The following MACF1 variants were observed in gnomAD, a reference collection of about 807,000 sequenced individuals.
The protein encoded by MACF1 is microtubule actin crosslinking factor 1.
In MACF1, 193 loss-of-function variants were observed where a neutral mutation model predicts 854.8. The ratio of observed to expected loss-of-function variants is 0.23; its 90% CI spans 0.20 to 0.25. MACF1 has a LOEUF of 0.25. Ranked by LOEUF, MACF1 falls within the 10% of genes least tolerant of loss-of-function variation. MACF1 has a pLI of 1.00. For synonymous variants in MACF1, 3,185 were observed against 3,226.7 expected (o/e 0.99, Z 0.44); for missense variants, 7,722 against 8,929.1 (o/e 0.86, Z 5.45).
chr1:39,330,449 A>G (rs1445584560), intron 36 of MACF1, among the ~76,000 whole-genome samples: 1 of 152,194 alleles, frequency 6.6e-6, no homozygotes, highest in Non-Finnish European at 1.5e-5. Context: ...TGCTACTTCT[A>G]GAGTCTTCTG....
chr1:39,200,702 GAA>G (rs968707803), upstream of MACF1, among the ~76,000 whole-genome samples: 1 of 130,824 alleles, frequency 7.6e-6, no homozygotes, highest in Admixed American at 7.9e-5. Flanking sequence ...CCATCTCAGA[GAA>G]AAAAAAAAAA....
chr1:39,102,213 A>AG (rs1557453862), intron 2 of MACF1, among the ~76,000 whole-genome samples: 2 of 114,830 alleles, frequency 1.7e-5, no homozygotes, highest in South Asian at 3.7e-4. Flanking sequence ...GAGAGAGAGA[A>AG]AGAGAGAGAG....
At chr1:39,483,108 AAAAAC>A (rs1201784077) in intron 99 of MACF1, among the ~76,000 whole-genome samples, 2 of 122,458 alleles carry the variant, frequency 1.6e-5, no homozygotes, top group South Asian at 4.6e-4. Context: ...AAAAAAAAAA[AAAAAC>A]ACCCACACAT....
intron 44 of MACF1, among the ~76,000 whole-genome samples, chr1:39,353,920 A>G (rs965009784): frequency 6.6e-6 from 1 of 152,140 alleles, no homozygotes; most frequent in African/African-American, 2.4e-5. Flanking sequence ...TTTCACTGTT[A>G]TTATTATAGT....
intron 40 of MACF1, 80 bp downstream of exon 40, chr1:39,341,033 A>ATT: frequency 1.7e-6 from 2 of 1,153,294 alleles, no homozygotes; most frequent in East Asian, 2.6e-5. Context: ...ATCCATATTT[A>ATT]TCTTTTTTTT....
intron 36 of MACF1, among the ~76,000 whole-genome samples, chr1:39,329,505 A>T (rs1052480324): frequency 2.6e-5 from 4 of 152,208 alleles, no homozygotes; most frequent in African/African-American, 9.6e-5. Flanking sequence ...ACTCACTGAG[A>T]TAAAATGAAA....
intron 79 of MACF1, among the ~76,000 whole-genome samples, 165 bp downstream of exon 79, chr1:39,443,739 T>TA (rs1350101599): frequency 2.6e-5 from 4 of 152,226 alleles, no homozygotes; most frequent in Non-Finnish European, 5.9e-5. Flanking sequence ...AGGCTTCTAA[T>TA]ACCTTACAGT....
intron 97 of MACF1, among the ~76,000 whole-genome samples, chr1:39,471,034 T>C (rs547485657): frequency 6.6e-6 from 1 of 152,278 alleles, no homozygotes; most frequent in South Asian, 2.1e-4. Context: ...CTAGTAACCT[T>C]TTTTAGCATC....
intron 99 of MACF1, among the ~76,000 whole-genome samples, chr1:39,482,684 A>C (rs774151580): frequency 4.0e-5 from 6 of 151,796 alleles, no homozygotes; most frequent in Non-Finnish European, 7.4e-5. Context: ...TGTCCCAGCT[A>C]CATGGGAGGC....
At chr1:39,225,217 C>CTTTCTTTTTTT in intron 1 of MACF1, among the ~76,000 whole-genome samples, 1 of 125,196 alleles carries the variant, frequency 8.0e-6, no homozygotes, top group East Asian at 2.3e-4. Context: ...TTTCTTTTTT[C>CTTTCTTTTTTT]TTTTTTTTTT....
In MACF1 at chr1:39,309,667, G is replaced by C; in HGVS notation, c.2887G>C (p.Asp963His). The C allele has an allele frequency of 1.2e-6, 2 of 1,614,068 alleles. No individual in the cohort carries two copies. The highest frequency in any genetic ancestry group is 1.7e-6 in the Non-Finnish European group (2 of 1,179,980). Residue 963 changes from aspartate (D) to histidine (H), a missense_variant, in exon 24 of 101, where the codon GAC becomes CAC. This residue lies in a region of MACF1 where 1,137 missense variants were observed against 1,263.0 expected (regional missense o/e 0.90). Coordinates refer to ENST00000564288, the MANE Select transcript of MACF1 (RefSeq NM_001394062.1). The part of the protein sequence containing the change: ...ISWNYLRKDL[D>H]LVQTWNLEKL... ...TTGGAACTATCTGCGTAAAGACCTTGACCTTGTACAGACCTGGAACCTAGA... is the reference window on the plus strand; with the variant it reads ...TTGGAACTATCTGCGTAAAGACCTTCACCTTGTACAGACCTGGAACCTAGA...
intron 2 of MACF1, among the ~76,000 whole-genome samples, chr1:39,121,542 G>A (rs1011816571): frequency 1.3e-5 from 2 of 151,986 alleles, no homozygotes; most frequent in African/African-American, 2.4e-5. Context: ...TTCGCCTCCC[G>A]GGTTCAAGTG....
At chr1:39,329,109 A>G (rs1646669926) in intron 36 of MACF1, among the ~76,000 whole-genome samples, 1 of 152,188 alleles carries the variant, frequency 6.6e-6, no homozygotes, top group Admixed American at 6.5e-5. Flanking sequence ...TTTAAAACAG[A>G]CACATAGTGA....
intron 49 of MACF1, among the ~76,000 whole-genome samples, chr1:39,365,910 A>T (rs1018025174): frequency 6.6e-6 from 1 of 152,096 alleles, no homozygotes; most frequent in Non-Finnish European, 1.5e-5. Context: ...TCCTGACCTC[A>T]AGTAATCCAC....
chr1:39,258,145 G>A (rs1645117552), intron 6 of MACF1, 117 bp downstream of exon 6: 2 of 834,312 alleles, frequency 2.4e-6, no homozygotes, highest in East Asian at 2.5e-5. Context: ...AGTGAACAAA[G>A]GTGGATGGGA....
At chr1:39,343,379 C>T (rs1053754459) in intron 40 of MACF1, among the ~76,000 whole-genome samples, 6 of 152,198 alleles carry the variant, frequency 3.9e-5, no homozygotes, top group East Asian at 1.9e-4. Flanking sequence ...CTCTTTATCA[C>T]GCAAGAGTTG....
chr1:39,257,790 A>G, intron 5 of MACF1, 146 bp from the exon 6 acceptor site: 1 of 612,108 alleles, frequency 1.6e-6, no homozygotes, highest in East Asian at 2.9e-5. Flanking sequence ...TGGTAGTTGC[A>G]TGAATCTATA....
intron 26 of MACF1, among the ~76,000 whole-genome samples, chr1:39,314,460 C>G (rs1646367626): frequency 6.6e-6 from 1 of 151,910 alleles, no homozygotes; most frequent in African/African-American, 2.4e-5. Flanking sequence ...TGCATACACA[C>G]ACACACACGT....
intron 2 of MACF1, among the ~76,000 whole-genome samples, chr1:39,237,114 CAT>C (rs1054179154): frequency 1.3e-5 from 2 of 152,248 alleles, no homozygotes; most frequent in Non-Finnish European, 2.9e-5. Context: ...GCTATAGCCA[CAT>C]GAGACAACTC....
Sources: gnomAD v4.1 joint callset for allele counts (sites outside exome capture counted in the v4.1 genomes callset) on GRCh38, gnomAD v4.1.1 for gene constraint, gnomAD v4.1.1 regional missense constraint, MANE v1.5 for transcripts, NCBI Gene and HGNC (gene_info 2026-07-23, HGNC 2026-07-21) for gene names.